Variants in LRP1B observed in about 807,000 individuals in gnomAD.
LRP1B encodes the protein low-density lipoprotein receptor-related protein 1B.
In LRP1B, 217 loss-of-function variants were observed where a neutral mutation model predicts 556.6. The ratio of observed to expected loss-of-function variants is 0.39; its 90% confidence interval spans 0.35 to 0.44. The LOEUF (loss-of-function observed/expected upper bound fraction) is 0.44. LRP1B is among the 20% of genes least tolerant of loss of function. The pLI is 1.00. For synonymous variants in LRP1B, 2,047 were observed against 1,865.8 expected (o/e 1.10, Z -2.50); for missense variants, 5,053 against 5,620.8 (o/e 0.90, Z 3.23).
At chr2:140,337,315 T>C (rs1437710109) in intron 77 of LRP1B, among the ~76,000 whole-genome samples, 1 of 151,906 alleles carries the variant, frequency 6.6e-6, no homozygotes, top group Non-Finnish European at 1.5e-5. Context: ...ATAAATGTTA[T>C]CCATATAACC....
At chr2:141,835,884 A>C (rs570266944) in intron 1 of LRP1B, among the ~76,000 whole-genome samples, 1 of 152,132 alleles carries the variant, frequency 6.6e-6, no homozygotes, top group Admixed American at 6.6e-5. Flanking sequence ...ATGTACATAT[A>C]GATCTAAATG....
intron 77 of LRP1B, among the ~76,000 whole-genome samples, chr2:140,336,697 A>G (rs1681122083): frequency 1.3e-5 from 2 of 151,890 alleles, no homozygotes; most frequent in Non-Finnish European, 2.9e-5. Flanking sequence ...CTTACATTTG[A>G]TAGGTTGGAT....
rs1232155652 is a variant in LRP1B, at chr2:140,270,268, G to T, written c.13221C>A (p.Asp4407Glu). ...YCYNGGTCQL[D>E]PETNVPVCLC... is the part of the protein sequence containing the mutation. ...GACACACAGGTACATTTGTCTCGGG[G>T]TCCAGCTGGCATGTGCCACCATTGT... is the stretch of plus-strand genomic sequence containing the variant. Residue 4407 changes from aspartate to glutamate, a missense_variant, in exon 86 of 91, where the codon GAC becomes GAA. Around this residue, in one of 5 missense-constraint regions of LRP1B, gnomAD observed 551 missense variants for 592.0 expected, o/e 0.93. Coordinates refer to ENST00000389484, the MANE Select transcript of LRP1B (RefSeq NM_018557.3). 1.2e-6 allele frequency: 2 copies of T among 1,611,992 alleles called. No individual in the cohort carries two copies. Among genetic ancestry groups the T allele is most frequent in the South Asian group, 2.2e-5 (2 of 91,010 alleles).
At chr2:141,479,400 T>A (rs943885738) in intron 3 of LRP1B, among the ~76,000 whole-genome samples, 1 of 152,176 alleles carries the variant, frequency 6.6e-6, no homozygotes, top group Non-Finnish European at 1.5e-5. Flanking sequence ...ACAACTGGAA[T>A]TTCTGGTGAC....
chr2:141,915,833 C>T (rs1374352520), intron 1 of LRP1B, among the ~76,000 whole-genome samples: 1 of 152,156 alleles, frequency 6.6e-6, no homozygotes, highest in Non-Finnish European at 1.5e-5. Flanking sequence ...AAAAAATGCT[C>T]AACATCACTA....
At chr2:141,860,214 T>C (rs368220404) in intron 1 of LRP1B, among the ~76,000 whole-genome samples, 15 of 152,282 alleles carry the variant, frequency 9.9e-5, no homozygotes, top group African/African-American at 3.1e-4. Context: ...AGATGATCTT[T>C]TGAAAATAAG....
Position 140,950,250 on chromosome 2 carries a change from T to C in LRP1B, c.3121A>G (p.Asn1041Asp). The C allele has an allele frequency of 6.3e-7, 1 of 1,588,106 alleles. No homozygotes were observed. Residue 1041 changes from asparagine (N) to aspartate (D), a missense_variant, in exon 20 of 91, where the codon AAT (asparagine) becomes GAT (aspartate). Transcript: ENST00000389484. ...CGDFSDEAQI[N>D]CTKEEIHSPA... is the part of the protein sequence containing the mutation. Reference sequence around the variant, plus strand: ...AATTACTAACCTTCTTTAGTACAATTGATCTGGGCTTCATCACTGAAGTCC... The same window carrying C: ...AATTACTAACCTTCTTTAGTACAATCGATCTGGGCTTCATCACTGAAGTCC...
rs111235515 is a variant in LRP1B at position 141,924,162 on chromosome 2, C to A, written c.83-113761G>T. Among the ~76,000 whole-genome samples, 117 of 151,978 alleles carry A rather than the reference C, an allele frequency of 7.7e-4. 1 individual carries two copies. The highest frequency in any genetic ancestry group is 2.8e-3 in the African/African-American group (115 of 41,494). On this transcript the variant is annotated intron_variant, in intron 1 of 90. Coordinates refer to ENST00000389484, the MANE Select transcript of LRP1B (RefSeq NM_018557.3). ...TACCCATATAACCTCGAACCCCAGG[C>A]TCCAGGAGAAGACAAGGAGATGAGG...
chr2:140,390,012 C>A (rs113980391), intron 66 of LRP1B, among the ~76,000 whole-genome samples: 1 of 152,074 alleles, frequency 6.6e-6, no homozygotes, highest in East Asian at 1.9e-4. Context: ...TGCCTGCAGT[C>A]CCAGCTACTT....
At chr2:141,579,019 T>C (rs1686859963) in intron 2 of LRP1B, among the ~76,000 whole-genome samples, 1 of 152,214 alleles carries the variant, frequency 6.6e-6, no homozygotes, top group African/African-American at 2.4e-5. Flanking sequence ...TTATTAATTA[T>C]GAGGATACGC....
At chr2:140,882,071 A>C (rs1693492321) in intron 25 of LRP1B, among the ~76,000 whole-genome samples, 1 of 152,162 alleles carries the variant, frequency 6.6e-6, no homozygotes, top group Non-Finnish European at 1.5e-5. Context: ...TTTTGGAATT[A>C]TTCATGTTTT....
At chr2:140,397,299 C>T (rs1307203790) in intron 66 of LRP1B, among the ~76,000 whole-genome samples, 8 of 152,016 alleles carry the variant, frequency 5.3e-5, no homozygotes, top group Non-Finnish European at 1.0e-4. Flanking sequence ...GGTATTAAGC[C>T]CAGCATGCAT....
At position 141,190,315 on chromosome 2, in the gene LRP1B, A is replaced by G. The variant is rs115915488; in HGVS notation, c.851-1732T>C. Reference sequence around the variant, plus strand: ...TCTCCTCTTAATATGTCTGCTGTCAAGTTTATTCCAGAGACTGAAATTACA... The same window carrying G: ...TCTCCTCTTAATATGTCTGCTGTCAGGTTTATTCCAGAGACTGAAATTACA... On this transcript the variant is annotated intron_variant, in intron 6 of 90. Coordinates refer to ENST00000389484, the MANE Select transcript of LRP1B (RefSeq NM_018557.3). Among the ~76,000 whole-genome samples, 840 of 152,094 alleles carry G rather than the reference A, an allele frequency of 5.5e-3. 14 individuals carry two copies. Among genetic ancestry groups the G allele is most frequent in the African/African-American group, 0.019 (807 of 41,518 alleles).
chr2:140,272,219 TTTTC>T (rs1445564175), intron 85 of LRP1B, among the ~76,000 whole-genome samples: 3 of 150,570 alleles, frequency 2.0e-5, no homozygotes, highest in South Asian at 4.2e-4. Context: ...ATTTTCATAA[TTTTC>T]TTTTTTAGAG....
intron 1 of LRP1B, among the ~76,000 whole-genome samples, chr2:141,970,130 G>A (rs1329457288): frequency 6.6e-6 from 1 of 151,328 alleles, no homozygotes; most frequent in East Asian, 1.9e-4. Context: ...CAGATTATTT[G>A]TTTTCTTTCT....
chr2:140,260,066 T>G (rs1240015421), intron 86 of LRP1B, among the ~76,000 whole-genome samples: 5 of 151,994 alleles, frequency 3.3e-5, no homozygotes, highest in African/African-American at 1.2e-4. Flanking sequence ...TCACAGCAAG[T>G]TATTTTTAGT....
At chr2:140,304,109 G>A (rs1173398937) in intron 83 of LRP1B, among the ~76,000 whole-genome samples, 6 of 152,078 alleles carry the variant, frequency 3.9e-5, no homozygotes, top group Admixed American at 6.6e-5. Context: ...GAATAGTTCC[G>A]TAATAAACGT....
chr2:141,666,614 A>T (rs1315631065), intron 2 of LRP1B, among the ~76,000 whole-genome samples: 1 of 152,226 alleles, frequency 6.6e-6, no homozygotes, highest in African/African-American at 2.4e-5. Context: ...AGGCTGAGAA[A>T]AATCTATCCC....
intron 1 of LRP1B, among the ~76,000 whole-genome samples, chr2:141,960,123 T>TTAGCTGTGAGAG (rs528106916): frequency 1.3e-5 from 2 of 151,794 alleles, no homozygotes; most frequent in Admixed American, 6.6e-5. Flanking sequence ...GAGAGAAAGT[T>TTAGCTGTGAGAG]TAGCTGTGAG....
Sources: gnomAD v4.1 joint callset for allele counts (sites outside exome capture counted in the v4.1 genomes callset) on GRCh38, gnomAD v4.1.1 for gene constraint, gnomAD v4.1.1 regional missense constraint, MANE v1.5 for transcripts, NCBI Gene and HGNC (gene_info 2026-07-23, HGNC 2026-07-21) for gene names.